TAMM41: variants seen among roughly 807,000 people sequenced by gnomAD.
The protein encoded by TAMM41 is phosphatidate cytidylyltransferase, mitochondrial.
TAMM41 carries 36 observed loss-of-function variants against 44.1 expected under a neutral mutation model. The ratio of observed to expected loss-of-function variants is 0.82; its 90% CI spans 0.63 to 1.08. TAMM41 has a LOEUF of 1.08. Among genes scored for constraint, TAMM41 ranks in the 50% least tolerant of loss-of-function variants. The probability of loss-of-function intolerance (pLI) is 0.00; values close to 1 mark genes in which losing one functional copy is unlikely to be tolerated. For synonymous variants in TAMM41, 164 were observed against 153.1 expected, an observed-to-expected ratio of 1.07 and a Z score of -0.53; for missense variants, 417 against 404.3, an observed-to-expected ratio of 1.03 and a Z score of -0.27.
At chr3:11,826,633 T>C (rs931940123) in intron 4 of TAMM41, 1 of 150,890 alleles carries the variant, frequency 6.6e-6, no homozygotes, top group Admixed American at 6.6e-5. Flanking sequence ...ATAAGAAAAC[T>C]GGGGGCTCAG....
the TAMM41 span, among the ~76,000 whole-genome samples, chr3:11,773,646 C>T: frequency 2.2e-4 from 34 of 152,194 alleles, 1 homozygote; most frequent in African/African-American, 7.7e-4. Context: ...CTTGTTTTCT[C>T]CATGAGCCAG....
At chr3:11,725,152 T>TTCTCTTCTCCTC in the TAMM41 span, among the ~76,000 whole-genome samples, 2 of 138,094 alleles carry the variant, frequency 1.4e-5, no homozygotes, top group Non-Finnish European at 1.6e-5. Flanking sequence ...CTCTTCTCCT[T>TTCTCTTCTCCTC]CCTCTTCTCC....
At chr3:11,786,089 C>T (rs979550606), downstream of TAMM41, among the ~76,000 whole-genome samples, 8 of 151,964 alleles carry the variant, frequency 5.3e-5, no homozygotes, top group Admixed American at 3.3e-4. Context: ...GACAGAGTCT[C>T]GCTCTGGTGC....
the TAMM41 span, among the ~76,000 whole-genome samples, chr3:11,770,743 T>C: frequency 6.6e-6 from 1 of 152,116 alleles, no homozygotes; most frequent in Non-Finnish European, 1.5e-5. Context: ...GGAACAGAAG[T>C]ACGAGCGACA....
the TAMM41 span, among the ~76,000 whole-genome samples, chr3:11,774,220 GCA>G: frequency 6.6e-6 from 1 of 152,192 alleles, no homozygotes; most frequent in African/African-American, 2.4e-5. Context: ...CTCTATGAAC[GCA>G]CACTTTGTGC....
intron 5 of TAMM41, chr3:11,816,969 C>T: frequency 2.2e-6 from 1 of 456,712 alleles, no homozygotes; most frequent in Non-Finnish European, 3.9e-6. Flanking sequence ...AAGTCCCTCT[C>T]CCACTTCTGC....
the TAMM41 span, among the ~76,000 whole-genome samples, chr3:11,763,293 C>G: frequency 0.15 from 22,095 of 152,134 alleles, 1,863 homozygotes; most frequent in Middle Eastern, 0.2. Flanking sequence ...CATGTGCCAC[C>G]ATGCCCAGTT....
intron 7 of TAMM41, among the ~76,000 whole-genome samples, chr3:11,792,997 G>C (rs1344427828): frequency 1.4e-5 from 2 of 143,820 alleles, no homozygotes; most frequent in African/African-American, 5.2e-5. Flanking sequence ...GGAAGCGGAG[G>C]TTGCAATGAG....
intron 3 of TAMM41, among the ~76,000 whole-genome samples, chr3:11,837,934 G>A (rs555979435): frequency 6.6e-6 from 1 of 152,262 alleles, no homozygotes; most frequent in East Asian, 1.9e-4. Flanking sequence ...CAGCACTTCT[G>A]ACACCAAATG....
the TAMM41 span, among the ~76,000 whole-genome samples, chr3:11,770,838 T>C: frequency 6.6e-6 from 1 of 152,130 alleles, no homozygotes; most frequent in Non-Finnish European, 1.5e-5. Context: ...CTATGCATCA[T>C]TTCTAGGGTC....
At chr3:11,792,493 G>A (rs918176684) in intron 7 of TAMM41, among the ~76,000 whole-genome samples, 1 of 152,224 alleles carries the variant, frequency 6.6e-6, no homozygotes. Context: ...TCTACTGTGT[G>A]TGTGCGTAGG....
the TAMM41 span, among the ~76,000 whole-genome samples, chr3:11,773,186 A>C: frequency 6.6e-6 from 1 of 152,000 alleles, no homozygotes; most frequent in Non-Finnish European, 1.5e-5. Flanking sequence ...CAAACTCCTA[A>C]CCTCAAGTGA....
At chr3:11,836,388 T>G (rs974076989) in intron 3 of TAMM41, among the ~76,000 whole-genome samples, 3 of 152,238 alleles carry the variant, frequency 2.0e-5, no homozygotes, top group Admixed American at 2.0e-4. Flanking sequence ...TAACAGCTAA[T>G]AGGTGGCAGG....
chr3:11,764,164 C>T, the TAMM41 span, among the ~76,000 whole-genome samples: 8 of 151,422 alleles, frequency 5.3e-5, no homozygotes, highest in East Asian at 7.9e-4. Context: ...CCACCATGCC[C>T]GGCTAATTTT....
At chr3:11,839,392 C>G in intron 2 of TAMM41, 78 bp from the exon 3 acceptor site, 1 of 963,526 alleles carries the variant, frequency 1.0e-6, no homozygotes, top group Non-Finnish European at 1.6e-6. Context: ...TATAAGGAAA[C>G]AGATAAAATT....
intron 3 of TAMM41, among the ~76,000 whole-genome samples, chr3:11,834,075 T>G (rs2079083266): frequency 6.6e-6 from 1 of 151,992 alleles, no homozygotes; most frequent in Non-Finnish European, 1.5e-5. Context: ...AAACCCCATC[T>G]TCACAAAAAA....
rs768512716 is a variant in TAMM41, at chr3:11,807,882, G to A, written c.888C>T (p.Ile296=). The A allele has an allele frequency of 1.4e-5, 21 of 1,527,026 alleles. No individual in the cohort carries two copies. Among genetic ancestry groups the A allele is most frequent in the Middle Eastern group, 1.7e-4 (1 of 5,958 alleles). 94.6% of individuals were successfully genotyped at this position (1,527,026 alleles called of 1,614,324 possible). ...GDVVRLGLSA[I]VRPSSIRQST... is the part of the protein sequence containing the mutation. ...TCTGTCTTATACTAGACGGTCTCAC[G>A]ATTGCTGAAAGCCCTGCGAGAAAAA... The change falls in exon 7 of 8, where the codon ATC becomes ATT. Residue 296 remains isoleucine, a synonymous_variant. Transcript: ENST00000455809.
At chr3:11,798,466 T>C (rs1006418728) in intron 7 of TAMM41, among the ~76,000 whole-genome samples, 8 of 151,934 alleles carry the variant, frequency 5.3e-5, no homozygotes, top group South Asian at 2.1e-4. Context: ...ACAGGACACA[T>C]AGAAGGGAAC....
At chr3:11,749,348 C>G in the TAMM41 span, among the ~76,000 whole-genome samples, 4 of 152,176 alleles carry the variant, frequency 2.6e-5, no homozygotes, top group African/African-American at 9.7e-5. Flanking sequence ...AGTCCATAAT[C>G]ATTTGACTAC....
Sources: allele counts gnomAD v4.1 joint callset (sites outside exome capture counted in the v4.1 genomes callset), GRCh38; gene constraint gnomAD v4.1.1; transcripts MANE v1.5; gene names NCBI Gene and HGNC (gene_info 2026-07-23, HGNC 2026-07-21).